KRT78: variants seen among roughly 807,000 people sequenced by gnomAD.
The protein encoded by KRT78 is keratin 78.
A neutral mutation model predicts 51.4 loss-of-function variants in KRT78; 55 were observed. The observed-to-expected ratio is 1.07, with a 90% CI of 0.86 to 1.34. The LOEUF is 1.34. KRT78 is among the 40% of genes most tolerant of loss of function. The probability of loss-of-function intolerance (pLI) is 0.00; values close to 1 mark genes in which losing one functional copy is unlikely to be tolerated. For synonymous variants in KRT78, 291 were observed against 264.3 expected (o/e 1.10, Z -0.98); for missense variants, 652 against 649.4 (o/e 1.00, Z -0.04).
At position 52,839,137 on chromosome 12, in the gene KRT78, A is replaced by C; in HGVS notation, c.1539T>G (p.Ser513Arg). ...CTCAGTAGGTGATGGATGTCTTCAG[A>C]CTCGACTCAACTGTCTTCTTCAGGA... ...HTILKKTVES[S>R]LKTSITY is the part of the protein sequence containing the mutation. The change falls in exon 9 of 9, where the codon AGT becomes AGG. Residue 513 changes from serine (S) to arginine (R), a missense_variant. By Grantham distance (110) the Ser-to-Arg change is moderately radical (BLOSUM62 -1). Transcript: ENST00000304620. The C allele has an allele frequency of 1.2e-6, 2 of 1,613,198 alleles. No individual in the cohort carries two copies. The highest frequency in any genetic ancestry group is 1.7e-6 in the Non-Finnish European group (2 of 1,179,832).
rs775106171 is a variant in KRT78, at chr12:52,848,946, T to G, written c.-16A>C. The G allele has an allele frequency of 7.2e-6, 11 of 1,527,928 alleles. No individual in the cohort carries two copies. In the African/African-American group the frequency reaches 1.4e-4, roughly 19 times the overall value. 94.6% of individuals were successfully genotyped at this position (1,527,928 alleles called of 1,614,324 possible). A position where few individuals can be genotyped will look rare whatever the true frequency, so the allele number is the denominator to read the frequency against. ...AGAGAGACATGGCAGAGACAGACAG[T>G]CACGCAGCTGCAGACGGACAGACAG... On this transcript the variant is annotated 5_prime_UTR_variant, in exon 1 of 9. Transcript: ENST00000304620.
At position 52,848,958 on chromosome 12, in the gene KRT78, AGACG is replaced by A; in HGVS notation, c.-32_-29del. 1 of 1,512,970 alleles carries A rather than the reference AGACG, an allele frequency of 6.6e-7. No homozygotes were observed. Among genetic ancestry groups the A allele is most frequent in the Non-Finnish European group, 8.8e-7 (1 of 1,137,938 alleles). 93.7% of individuals were successfully genotyped at this position (1,512,970 alleles called of 1,614,324 possible). A position where few individuals can be genotyped will look rare whatever the true frequency, so the allele number is the denominator to read the frequency against. ...CAGAGACAGACAGTCACGCAGCTGCAGACGGACAGACAGATTGTCAAGGTGTGTG... is the reference window on the plus strand; with the variant it reads ...CAGAGACAGACAGTCACGCAGCTGCAGACAGACAGATTGTCAAGGTGTGTG... On this transcript the variant is annotated 5_prime_UTR_variant, in exon 1 of 9. Transcript: ENST00000304620.
At chr12:52,848,520 C>T (rs768280602) in intron 1 of KRT78, 27 bp downstream of exon 1, 24 of 1,610,342 alleles carry the variant, frequency 1.5e-5, no homozygotes, top group East Asian at 2.2e-5. Flanking sequence ...GGCACAGAGA[C>T]AGGGGCTTGG....
Position 52,846,283 on chromosome 12 carries a change from C to T in KRT78, c.670G>A (p.Gly224Arg), listed in dbSNP as rs200309166. 3.4e-5 allele frequency: 54 copies of T among 1,610,342 alleles called. No homozygotes were observed. The highest frequency in any genetic ancestry group is 3.3e-5 in the Admixed American group (2 of 59,988). The part of the protein sequence containing the change: ...DFVVLKKDVD[G>R]VFLSKMELEG... The stretch of plus-strand genomic sequence containing the variant: ...AACTCCATCTTGCTCAGGAAAACCC[C>T]ATCCACATCCTGGAGACAAGGGGAG... The change falls in exon 4 of 9, where the codon GGG becomes AGG. Residue 224 changes from glycine to arginine, a missense_variant. Gly to Arg is a moderately radical substitution (Grantham distance 125, BLOSUM62 -2). Transcript: ENST00000304620.
At chr12:52,840,390 GAGAGA>G (rs1456538298) in intron 6 of KRT78, among the ~76,000 whole-genome samples, 3 of 152,120 alleles carry the variant, frequency 2.0e-5, no homozygotes, top group Non-Finnish European at 4.4e-5. Context: ...GACAGACACA[GAGAGA>G]AGAGCTCATC....
chr12:52,844,551 C>T lies in KRT78; in HGVS notation c.921+8G>A. 1 of 1,610,814 alleles carries T rather than the reference C, an allele frequency of 6.2e-7. No individual in the cohort carries two copies. The highest frequency in any genetic ancestry group is 8.5e-7 in the Non-Finnish European group (1 of 1,178,286). On this transcript the variant is annotated splice_region_variant and intron_variant, in intron 5 of 8. Coordinates refer to ENST00000304620, the MANE Select transcript of KRT78 (RefSeq NM_173352.4). ...TCCAGCATGGTGCTGCCCCCCAGGT[C>T]CCACCACCTTGGTCTGGTACAAGGC...
At chr12:52,844,321 G>T in intron 5 of KRT78, 103 bp from the exon 6 acceptor site, 2 of 1,367,752 alleles carry the variant, frequency 1.5e-6, no homozygotes, top group Non-Finnish European at 2.0e-6. Flanking sequence ...TTGGAGTGTG[G>T]GTTAAACGCC....
At chr12:52,845,298 GC>G (rs764857067) in intron 4 of KRT78, among the ~76,000 whole-genome samples, 28 of 152,112 alleles carry the variant, frequency 1.8e-4, no homozygotes, top group Admixed American at 5.2e-4. Context: ...GAGCCACCGT[GC>G]CCAGCCATCT....
Position 52,838,872 on chromosome 12 carries a change from T to C in KRT78, c.*241A>G. 1.7e-6 allele frequency: 1 copy of C among 572,614 alleles called. No individual in the cohort carries two copies. The highest frequency in any genetic ancestry group is 1.9e-5 in the African/African-American group (1 of 53,452). The allele number at this position is 572,614 out of a possible 1,614,324, so 35.5% of individuals were successfully genotyped here. A position where few individuals can be genotyped will look rare whatever the true frequency, so the allele number is the denominator to read the frequency against. Reference sequence around the variant, plus strand: ...AATAGAACACGTCTGGACACAGATATGCCACAATTGCCTTCCGAGGAGAGG... The same window carrying C: ...AATAGAACACGTCTGGACACAGATACGCCACAATTGCCTTCCGAGGAGAGG... On this transcript the variant is annotated 3_prime_UTR_variant, in exon 9 of 9. Transcript: ENST00000304620.
In KRT78 at chr12:52,846,241, C is replaced by T. The variant is rs10876360; in HGVS notation, c.712G>A (p.Ala238Thr). 0.037 allele frequency: 59,820 copies of T among 1,613,604 alleles called. 7,288 individuals are homozygous for T. The African/African-American group carries it at 0.39, about 10-fold the overall frequency. Residue 238 changes from alanine to threonine, a missense_variant, in exon 4 of 9, where the codon GCT becomes ACT. Coordinates refer to ENST00000304620, the MANE Select transcript of KRT78 (RefSeq NM_173352.4). ...SKMELEGKLE[A>T]LREYLYFLKH... ...AAGAAGTAGAGGTACTCTCTCAGAG[C>T]CTCCAGCTTGCCCTCCAACTCCATC...
chr12:52,843,700 AAAAAAG>A (rs1280735446), intron 6 of KRT78, among the ~76,000 whole-genome samples: 3 of 148,962 alleles, frequency 2.0e-5, no homozygotes, highest in Non-Finnish European at 4.4e-5. Context: ...AAAAAAAAAA[AAAAAAG>A]AAAAAGAAAA....
chr12:52,843,993 A>T, intron 6 of KRT78, 100 bp downstream of exon 6: 1 of 1,474,788 alleles, frequency 6.8e-7, no homozygotes, highest in Non-Finnish European at 9.3e-7. Flanking sequence ...CTCGACACAA[A>T]ACCACTGGCA....
chr12:52,842,402 G>C (rs1470897478), intron 6 of KRT78, among the ~76,000 whole-genome samples: 1 of 152,128 alleles, frequency 6.6e-6, no homozygotes, highest in Non-Finnish European at 1.5e-5. Context: ...TACACCGCAG[G>C]AGGAGCAGGA....
chr12:52,848,355 G>T, intron 1 of KRT78, 192 bp downstream of exon 1: 2 of 1,436,360 alleles, frequency 1.4e-6, no homozygotes, highest in Non-Finnish European at 1.9e-6. Context: ...CTGTCCCTGA[G>T]CCCCAATCAT....
intron 3 of KRT78, among the ~76,000 whole-genome samples, chr12:52,846,529 C>T (rs2120424687): frequency 6.6e-6 from 1 of 152,312 alleles, no homozygotes; most frequent in Non-Finnish European, 1.5e-5. Flanking sequence ...CTTCCTCTCC[C>T]TCCCCGCCCT....
intron 6 of KRT78, among the ~76,000 whole-genome samples, chr12:52,842,780 T>G (rs1258314729): frequency 6.6e-6 from 1 of 151,010 alleles, no homozygotes; most frequent in Non-Finnish European, 1.5e-5. Flanking sequence ...TAGCCGGGTG[T>G]GGTGGCAGGC....
chr12:52,847,872 G>T, intron 2 of KRT78, 35 bp downstream of exon 2: 1 of 1,585,354 alleles, frequency 6.3e-7, no homozygotes, highest in Non-Finnish European at 8.7e-7. Context: ...CCCAGACCCC[G>T]CCCACATGGC....
At position 52,838,993 on chromosome 12, in the gene KRT78, G is replaced by A. The variant is rs1940408722; in HGVS notation, c.*120C>T. ...AGGAGGGGAGACTTTATTGATTTTT[G>A]CAGCATCCGCTGTGGGCTGGCTTGG... On this transcript the variant is annotated 3_prime_UTR_variant, in exon 9 of 9. Coordinates refer to ENST00000304620, the MANE Select transcript of KRT78 (RefSeq NM_173352.4). The A allele has an allele frequency of 3.4e-6, 4 of 1,188,700 alleles. No homozygotes were observed. The African/African-American group carries it at 4.5e-5, about 14-fold the overall frequency. The allele number at this position is 1,188,700 out of a possible 1,614,324, so 73.6% of individuals were successfully genotyped here.
At chr12:52,842,482 A>T (rs1292966076) in intron 6 of KRT78, among the ~76,000 whole-genome samples, 2 of 152,148 alleles carry the variant, frequency 1.3e-5, no homozygotes, top group Non-Finnish European at 2.9e-5. Context: ...CCTAAGGAGA[A>T]GTTAGCCCCA....
Sources: allele counts gnomAD v4.1 joint callset (sites outside exome capture counted in the v4.1 genomes callset), GRCh38; gene constraint gnomAD v4.1.1; transcripts MANE v1.5; gene names NCBI Gene and HGNC (gene_info 2026-07-23, HGNC 2026-07-21).